OPRD1: variants seen among roughly 807,000 people sequenced by gnomAD.
OPRD1 encodes opioid receptor delta 1.
In OPRD1, 19 loss-of-function variants were observed where a neutral mutation model predicts 17.5. The observed-to-expected ratio is 1.09, with a 90% CI of 0.76 to 1.60. The LOEUF (loss-of-function observed/expected upper bound fraction) is 1.60, where lower values mean the gene tolerates loss of function less well. Among genes scored for constraint, OPRD1 ranks in the 40% most tolerant of loss-of-function variants. The pLI, the probability that OPRD1 is intolerant of heterozygous loss-of-function variation, is 0.00. For missense variants in OPRD1, 483 were observed against 547.2 expected, an observed-to-expected ratio of 0.88 and a Z score of 1.17; for synonymous variants, 256 against 240.9, an observed-to-expected ratio of 1.06 and a Z score of -0.58.
chr1:28,827,922 G>T (rs993006475), intron 1 of OPRD1, among the ~76,000 whole-genome samples: 4 of 151,702 alleles, frequency 2.6e-5, no homozygotes, highest in African/African-American at 9.7e-5. Context: ...ATTTTTTGTA[G>T]AGCCGGAGTT....
intron 1 of OPRD1, among the ~76,000 whole-genome samples, chr1:28,841,273 G>A (rs905597821): frequency 1.3e-5 from 2 of 152,234 alleles, no homozygotes; most frequent in African/African-American, 2.4e-5. Flanking sequence ...AACCAGAGCC[G>A]GGTTGGGGAA....
At chr1:28,813,507 C>T (rs1007810288) in intron 1 of OPRD1, among the ~76,000 whole-genome samples, 2 of 152,004 alleles carry the variant, frequency 1.3e-5, no homozygotes, top group African/African-American at 4.8e-5. Context: ...AGTTTTCATC[C>T]CAGGAAGTGA....
chr1:28,812,709 C>T, intron 1 of OPRD1, 99 bp downstream of exon 1: 1 of 1,119,712 alleles, frequency 8.9e-7, no homozygotes, highest in Non-Finnish European at 1.2e-6. Context: ...ACTCCCCGCG[C>T]CTCCGCATTT....
At chr1:28,859,465 G>C (rs945986805) in intron 2 of OPRD1, among the ~76,000 whole-genome samples, 162 bp downstream of exon 2, 1 of 152,208 alleles carries the variant, frequency 6.6e-6, no homozygotes, top group African/African-American at 2.4e-5. Context: ...TGGCCAGTGG[G>C]AGTGTAGAAG....
chr1:28,817,599 G>A (rs1243853999), intron 1 of OPRD1, among the ~76,000 whole-genome samples: 3 of 152,238 alleles, frequency 2.0e-5, no homozygotes, highest in Non-Finnish European at 4.4e-5. Context: ...GGCCAGGAGA[G>A]ATTCCAGTGA....
rs1033673620 is a variant in OPRD1, at chr1:28,866,352, G to T, written c.*3069G>T. The T allele has an allele frequency of 6.6e-6, 1 of 152,304 alleles. No homozygotes were observed. Among genetic ancestry groups the T allele is most frequent in the African/African-American group, 2.4e-5 (1 of 41,474 alleles). 9.4% of individuals were successfully genotyped at this position (152,304 alleles called of 1,614,324 possible). On this transcript the variant is annotated 3_prime_UTR_variant, in exon 3 of 3. Coordinates refer to ENST00000234961, the MANE Select transcript of OPRD1 (RefSeq NM_000911.4). Reference sequence around the variant, plus strand: ...ATGAATAGGAGTTGGCCACCAAAAAGAGGAAATAGCGTGTGCGGAGGCATG... The same window carrying T: ...ATGAATAGGAGTTGGCCACCAAAAATAGGAAATAGCGTGTGCGGAGGCATG...
intron 2 of OPRD1, 91 bp from the exon 3 acceptor site, chr1:28,862,651 C>A: frequency 7.7e-7 from 1 of 1,296,954 alleles, no homozygotes; most frequent in Non-Finnish European, 1.0e-6. Context: ...TGGGACTTGC[C>A]CAAGCCTTGA....
chr1:28,828,938 C>T (rs1043387603), intron 1 of OPRD1, among the ~76,000 whole-genome samples: 1 of 150,386 alleles, frequency 6.6e-6, no homozygotes, highest in East Asian at 2.0e-4. Flanking sequence ...TGCAGTGAGC[C>T]GAGATTGCGC....
chr1:28,835,235 G>C (rs1170837246), intron 1 of OPRD1, among the ~76,000 whole-genome samples: 1 of 152,176 alleles, frequency 6.6e-6, no homozygotes, highest in African/African-American at 2.4e-5. Context: ...CCCTAAGCCA[G>C]AAGCAGAGCC....
intron 1 of OPRD1, among the ~76,000 whole-genome samples, chr1:28,850,783 AAATAATAATAATAATAATAATAATAAT>A (rs144560328): frequency 2.2e-5 from 3 of 135,908 alleles, no homozygotes; most frequent in African/African-American, 5.4e-5. Context: ...ATCTGTCTCA[AAATAATAATAATAATAATAATAATAAT>A]AATAATAATA....
intron 1 of OPRD1, among the ~76,000 whole-genome samples, chr1:28,846,850 C>CTTTCTTTCTTTCTTTCTTTCT (rs2088953085): frequency 4.4e-4 from 17 of 38,256 alleles, no homozygotes; most frequent in African/African-American, 1.3e-3. Flanking sequence ...TCTTTCTTTT[C>CTTTCTTTCTTTCTTTCTTTCT]TTTCTTTCTT....
chr1:28,837,255 G>A (rs2088860812), intron 1 of OPRD1, among the ~76,000 whole-genome samples: 1 of 152,150 alleles, frequency 6.6e-6, no homozygotes. Flanking sequence ...ACAGGAGGCG[G>A]AGCTCAGGTG....
chr1:28,841,727 T>A (rs1472678628), intron 1 of OPRD1, among the ~76,000 whole-genome samples: 1 of 151,700 alleles, frequency 6.6e-6, no homozygotes, highest in Non-Finnish European at 1.5e-5. Flanking sequence ...ATTATTATTA[T>A]TTTTGAAACA....
intron 1 of OPRD1, among the ~76,000 whole-genome samples, chr1:28,835,606 G>T (rs1192690819): frequency 6.6e-6 from 1 of 152,172 alleles, no homozygotes; most frequent in African/African-American, 2.4e-5. Context: ...CCCTTTGTCT[G>T]CAAATAGAGG....
intron 1 of OPRD1, among the ~76,000 whole-genome samples, chr1:28,822,027 C>T (rs532933514): frequency 6.6e-6 from 1 of 151,732 alleles, no homozygotes; most frequent in South Asian, 2.1e-4. Context: ...TCTCGGCTCA[C>T]CACAACCTCC....
intron 1 of OPRD1, among the ~76,000 whole-genome samples, chr1:28,836,168 T>C (rs1480062837): frequency 6.6e-6 from 1 of 152,170 alleles, no homozygotes; most frequent in Admixed American, 6.5e-5. Flanking sequence ...AGCCCCTTCG[T>C]ATAGTTCCCT....
In OPRD1 at chr1:28,812,294, C is replaced by T; in HGVS notation, c.-90C>T. ...GCGCGGCAGCCGGCGGCGTCGGGGC[C>T]GCGGCCTCTGCCTTGCCGCTCCCCT... On this transcript the variant is annotated 5_prime_UTR_variant, in exon 1 of 3. Transcript: ENST00000234961. The T allele has an allele frequency of 1.1e-6, 1 of 917,142 alleles. No homozygotes were observed. The highest frequency in any genetic ancestry group is 1.4e-6 in the Non-Finnish European group (1 of 712,630). The allele number at this position is 917,142 out of a possible 1,614,324, so 56.8% of individuals were successfully genotyped here.
At chr1:28,838,939 C>T (rs1367159462) in intron 1 of OPRD1, among the ~76,000 whole-genome samples, 1 of 152,022 alleles carries the variant, frequency 6.6e-6, no homozygotes, top group South Asian at 2.1e-4. Context: ...AAAGCTGTGT[C>T]GCCCAGGCTG....
chr1:28,863,521 C>G lies in OPRD1; in HGVS notation c.*238C>G, dbSNP rs1427272450. 1.5e-5 allele frequency: 7 copies of G among 462,694 alleles called. No individual in the cohort carries two copies. Among genetic ancestry groups the G allele is most frequent in the Non-Finnish European group, 2.6e-5 (7 of 269,538 alleles). 28.7% of individuals were successfully genotyped at this position (462,694 alleles called of 1,614,324 possible). A position where few individuals can be genotyped will look rare whatever the true frequency, so the allele number is the denominator to read the frequency against. ...GGCGCAGTGCCTCTGGTCTGGGTGC[C>G]CCGTCCACGGCTCTAGGTGGGGCGG... On this transcript the variant is annotated 3_prime_UTR_variant, in exon 3 of 3. Transcript: ENST00000234961.
Sources: gnomAD v4.1 joint callset for allele counts (sites outside exome capture counted in the v4.1 genomes callset) on GRCh38, gnomAD v4.1.1 for gene constraint, MANE v1.5 for transcripts, NCBI Gene and HGNC (gene_info 2026-07-23, HGNC 2026-07-21) for gene names.